The following CHMP3 variants were observed in gnomAD, a reference collection of about 807,000 sequenced individuals.
CHMP3 encodes the protein charged multivesicular body protein 3, also known as 25.1 protein.
Under a neutral mutation model 27.4 loss-of-function variants are expected in CHMP3, and 8 were observed. That is an observed-to-expected ratio of 0.29 (90% CI 0.17 to 0.53). The LOEUF (loss-of-function observed/expected upper bound fraction) is 0.53. Among genes scored for constraint, CHMP3 ranks in the 20% least tolerant of loss-of-function variants. The pLI is 0.96. For missense variants in CHMP3, 208 were observed against 271.5 expected (o/e 0.77, Z 1.64); for synonymous variants, 86 against 85.5 (o/e 1.01, Z -0.03).
At chr2:86,542,209 T>C (rs747180430) in intron 2 of CHMP3, 43 bp downstream of exon 2, 1 of 1,600,286 alleles carries the variant, frequency 6.2e-7, no homozygotes, top group East Asian at 2.2e-5. Flanking sequence ...AAGCAAAATA[T>C]ACCAAGAGGG....
At chr2:86,507,290 A>C in intron 5 of CHMP3, 189 bp downstream of exon 5, 1 of 550,724 alleles carries the variant, frequency 1.8e-6, no homozygotes, top group Non-Finnish European at 3.2e-6. Context: ...TAAAAATTTT[A>C]AGAATTGTGT....
chr2:86,519,155 C>G (rs1222014365), intron 3 of CHMP3, among the ~76,000 whole-genome samples: 28 of 152,036 alleles, frequency 1.8e-4, no homozygotes, highest in Non-Finnish European at 1.5e-5. Context: ...AGGTGGATCA[C>G]CTGAGGTCAG....
rs76890880 is a variant in CHMP3 at position 86,559,032 on chromosome 2, T to G, written c.45+4272A>C. ...TCAGCTGGGTTGAGGGATACCCAGA[T>G]AGCTGGTAAAGCACTATTTCTGAAT... On this transcript the variant is annotated intron_variant, in intron 1 of 5. Transcript: ENST00000263856. Among the ~76,000 whole-genome samples, 1,339 of 152,312 alleles carry G rather than the reference T, an allele frequency of 8.8e-3. 25 individuals carry two copies. Among genetic ancestry groups the G allele is most frequent in the African/African-American group, 0.03 (1,240 of 41,576 alleles).
chr2:86,555,595 G>A (rs1677091930), intron 1 of CHMP3, among the ~76,000 whole-genome samples: 1 of 152,150 alleles, frequency 6.6e-6, no homozygotes, highest in South Asian at 2.1e-4. Flanking sequence ...AAGGTAGCAG[G>A]AAGGCCATGC....
rs1362716836 is a variant in CHMP3 at position 86,563,396 on chromosome 2, C to G, written c.-48G>C. On this transcript the variant is annotated 5_prime_UTR_variant, in exon 1 of 6. Transcript: ENST00000263856. ...CCTTCCGGCTTTCAGTTCCCCGCGC[C>G]CAGGCAGGTCACGGGCAGCCGCCTG... 4 of 1,602,086 alleles carry G rather than the reference C, an allele frequency of 2.5e-6. No homozygotes were observed. In the East Asian group the frequency reaches 8.9e-5, roughly 36 times the overall value.
chr2:86,553,134 A>G (rs1191976663), intron 1 of CHMP3, among the ~76,000 whole-genome samples: 1 of 151,722 alleles, frequency 6.6e-6, no homozygotes, highest in African/African-American at 2.4e-5. Flanking sequence ...GCAAACCACC[A>G]TGGCACATGT....
chr2:86,524,997 C>T (rs1342339077), intron 3 of CHMP3, among the ~76,000 whole-genome samples: 3 of 152,208 alleles, frequency 2.0e-5, no homozygotes, highest in East Asian at 3.8e-4. Context: ...TACTTATTTA[C>T]AGAGTGCTAT....
chr2:86,558,799 C>T (rs1176121322), intron 1 of CHMP3, among the ~76,000 whole-genome samples: 1 of 151,622 alleles, frequency 6.6e-6, no homozygotes, highest in Non-Finnish European at 1.5e-5. Flanking sequence ...CCTTCCATTT[C>T]TGCCAACATT....
intron 3 of CHMP3, among the ~76,000 whole-genome samples, chr2:86,525,508 G>A (rs1675667601): frequency 6.6e-6 from 1 of 151,438 alleles, no homozygotes. Context: ...ACTCCAGCCT[G>A]GGCGACAGTG....
chr2:86,514,398 TA>T (rs1444665189), intron 3 of CHMP3, among the ~76,000 whole-genome samples: 6 of 152,224 alleles, frequency 3.9e-5, no homozygotes, highest in African/African-American at 1.2e-4. Context: ...AACAAAACTC[TA>T]ATCATAGTTT....
chr2:86,538,496 G>T (rs1280414605), intron 2 of CHMP3, among the ~76,000 whole-genome samples: 2 of 151,930 alleles, frequency 1.3e-5, no homozygotes, highest in Admixed American at 1.3e-4. Context: ...CAAATGTTTG[G>T]GTATAAATAC....
intron 2 of CHMP3, among the ~76,000 whole-genome samples, chr2:86,530,594 G>A (rs767521944): frequency 4.6e-5 from 7 of 152,144 alleles, no homozygotes; most frequent in Non-Finnish European, 1.5e-5. Context: ...ATTCGTCAGT[G>A]GACACTTGGG....
chr2:86,550,401 GGGGAGAGGGAGAAA>G (rs556146434), intron 1 of CHMP3, among the ~76,000 whole-genome samples: 7,633 of 148,620 alleles, frequency 0.051, 516 homozygotes, highest in African/African-American at 0.16. Flanking sequence ...AGGGAGAGAG[GGGGAGAGGGAGAAA>G]GGGAGAGGGA....
chr2:86,558,411 A>C (rs1029772414), intron 1 of CHMP3, among the ~76,000 whole-genome samples: 9 of 152,212 alleles, frequency 5.9e-5, no homozygotes, highest in African/African-American at 1.9e-4. Flanking sequence ...GAGTTCCTTG[A>C]AACATTGCTC....
At chr2:86,513,354 GA>G (rs1280406274) in intron 3 of CHMP3, among the ~76,000 whole-genome samples, 1 of 152,128 alleles carries the variant, frequency 6.6e-6, no homozygotes, top group African/African-American at 2.4e-5. Flanking sequence ...AGTTAGTAGG[GA>G]AAAAAGATGA....
chr2:86,521,917 G>A (rs144790210), intron 3 of CHMP3, among the ~76,000 whole-genome samples: 51 of 152,306 alleles, frequency 3.3e-4, no homozygotes, highest in African/African-American at 1.1e-3. Flanking sequence ...ACCTATTTGA[G>A]TCCCTGCCTT....
intron 1 of CHMP3, among the ~76,000 whole-genome samples, chr2:86,549,645 G>A (rs560769425): frequency 1.7e-4 from 26 of 148,782 alleles, no homozygotes; most frequent in African/African-American, 4.4e-4. Flanking sequence ...CGGGGCGGCC[G>A]GGCAGAGGCG....
At chr2:86,544,485 CCT>C (rs1391189480) in intron 1 of CHMP3, among the ~76,000 whole-genome samples, 1 of 151,904 alleles carries the variant, frequency 6.6e-6, no homozygotes, top group African/African-American at 2.4e-5. Flanking sequence ...GGCAGAGGTC[CCT>C]GAGGCCTTCC....
chr2:86,549,923 T>G (rs1381618981), intron 1 of CHMP3, among the ~76,000 whole-genome samples: 1 of 148,482 alleles, frequency 6.7e-6, no homozygotes, highest in South Asian at 2.2e-4. Context: ...CGCTTCTCAC[T>G]TCCCAGACAA....
Sources: gnomAD v4.1 joint callset for allele counts (sites outside exome capture counted in the v4.1 genomes callset) on GRCh38, gnomAD v4.1.1 for gene constraint, MANE v1.5 for transcripts, NCBI Gene and HGNC (gene_info 2026-07-23, HGNC 2026-07-21) for gene names.